Variants in ABLIM2 observed in about 807,000 individuals in gnomAD.
ABLIM2 encodes the protein actin-binding LIM protein 2.
ABLIM2 carries 53 observed loss-of-function variants against 97.7 expected under a neutral mutation model. The ratio of observed to expected loss-of-function variants is 0.54; its 90% CI spans 0.44 to 0.68. The LOEUF (loss-of-function observed/expected upper bound fraction) is 0.68. Among genes scored for constraint, ABLIM2 ranks in the 30% least tolerant of loss-of-function variants. The pLI is 0.00. For missense variants in ABLIM2, 835 were observed against 867.2 expected (o/e 0.96, Z 0.47); for synonymous variants, 361 against 345.8 (o/e 1.04, Z -0.49).
intron 7 of ABLIM2, among the ~76,000 whole-genome samples, chr4:8,055,139 A>G (rs1798262959): frequency 6.6e-6 from 1 of 152,140 alleles, no homozygotes; most frequent in Non-Finnish European, 1.5e-5. Flanking sequence ...CAGAGGTAAT[A>G]AAGTATCAGA....
intron 12 of ABLIM2, among the ~76,000 whole-genome samples, chr4:8,027,179 AT>A (rs1777955440): frequency 2.0e-5 from 3 of 152,048 alleles, no homozygotes; most frequent in African/African-American, 4.8e-5. Flanking sequence ...TGGGGGATGC[AT>A]TTTTCAGTCC....
intron 17 of ABLIM2, among the ~76,000 whole-genome samples, chr4:7,989,761 T>A (rs1267095072): frequency 6.6e-6 from 1 of 152,196 alleles, no homozygotes; most frequent in East Asian, 1.9e-4. Flanking sequence ...TCTCTTCACA[T>A]TTGGCATCAT....
In ABLIM2 at chr4:8,036,256, C is replaced by T. The variant is rs754557404; in HGVS notation, c.940G>A (p.Ala314Thr). ...GGEILDYRDL[A>T]ALPKSKAIYD... The stretch of plus-strand genomic sequence containing the variant: ...ATGGCCTTACTTTTAGGAAGGGCTG[C>T]CAAGTCCCTGTAGTCCAGGATCTCA... The change falls in exon 10 of 21, where the codon GCA becomes ACA. Residue 314 changes from alanine (A) to threonine (T), a missense_variant. Ala to Thr is a moderately conservative substitution (Grantham distance 58). Coordinates refer to ENST00000447017, the MANE Select transcript of ABLIM2 (RefSeq NM_001130083.2). 1.2e-6 allele frequency: 2 copies of T among 1,613,836 alleles called. No individual in the cohort carries two copies. The highest frequency in any genetic ancestry group is 1.7e-4 in the Middle Eastern group (1 of 6,060).
At position 8,113,051 on chromosome 4, in the gene ABLIM2, C is replaced by G. The variant is rs2152807063; in HGVS notation, c.11-6414G>C. Among the ~76,000 whole-genome samples the G allele has an allele frequency of 6.6e-6, 1 of 152,308 alleles. No homozygotes were observed. The highest frequency in any genetic ancestry group is 2.1e-4 in the South Asian group (1 of 4,820). ...TCTTTCTGTCCAGCGAACCAGCTCT[C>G]ACGACCCAGACAGCAGAGTCCTCAT... On this transcript the variant is annotated intron_variant, in intron 1 of 20. Transcript: ENST00000447017. The surrounding 1 kb of genome is among the most constrained non-coding windows in gnomAD (Gnocchi z 4.5).
rs942894235 is a variant in ABLIM2 at position 8,095,747 on chromosome 4, A to G, written c.338+1352T>C. On this transcript the variant is annotated intron_variant, in intron 3 of 20. Transcript: ENST00000447017. This position sits in a 1 kb window ranked among gnomAD's most constrained non-coding sequence, Gnocchi z 4.7. ...GCAGGTTCACTGTAGCCTTCGCTCT[A>G]GGGCTGTTTTGTCTTCTGGATGAGA... Among the ~76,000 whole-genome samples, 17 of 152,042 alleles carry G rather than the reference A, an allele frequency of 1.1e-4. No individual in the cohort carries two copies. The highest frequency in any genetic ancestry group is 3.9e-4 in the Admixed American group (6 of 15,258).
At position 8,067,556 on chromosome 4, in the gene ABLIM2, T is replaced by C. The variant is rs1808766707; in HGVS notation, c.676-6502A>G. On this transcript the variant is annotated intron_variant, in intron 6 of 20. Coordinates refer to ENST00000447017, the MANE Select transcript of ABLIM2 (RefSeq NM_001130083.2). This position sits in a 1 kb window ranked among gnomAD's most constrained non-coding sequence, Gnocchi z 5.4. ...CACAGTTCGGGCCACTCATAAAGTA[T>C]GAGAGTCAACAGCCAAACCCTTACA... 6.6e-6 allele frequency: 1 copy of C among 152,262 alleles called. No individual in the cohort carries two copies. The highest frequency in any genetic ancestry group is 1.5e-5 in the Non-Finnish European group (1 of 68,088). The allele number at this position is 152,262 out of a possible 1,614,324, so 9.4% of individuals were successfully genotyped here. A position where few individuals can be genotyped will look rare whatever the true frequency, so the allele number is the denominator to read the frequency against.
rs1439799167 is a variant in ABLIM2, at chr4:8,032,065, G to C, written c.1048-2289C>G. Among the ~76,000 whole-genome samples, 1 of 152,090 alleles carries C rather than the reference G, an allele frequency of 6.6e-6. No homozygotes were observed. The highest frequency in any genetic ancestry group is 2.4e-5 in the African/African-American group (1 of 41,408). On this transcript the variant is annotated intron_variant, in intron 10 of 20. Transcript: ENST00000447017. The surrounding 1 kb of genome is among the most constrained non-coding windows in gnomAD (Gnocchi z 4.3). ...CAATGGCATCAAGCACAGGGGAAGA[G>C]CTCAGGGCACGGTCACTGCCCAGGC...
chr4:8,131,618 AAGCCTGCATCCCTGAGCACAGC>A, intron 1 of ABLIM2, among the ~76,000 whole-genome samples: 2 of 151,760 alleles, frequency 1.3e-5, no homozygotes, highest in Admixed American at 6.6e-5. Context: ...CTGGGCACAG[AAGCCTGCATCCCTGAGCACAGC>A]AGCCCGCATC....
chr4:8,158,755 G>A lies in ABLIM2; in HGVS notation c.-66C>T. On this transcript the variant is annotated 5_prime_UTR_variant, in exon 1 of 21. Transcript: ENST00000447017. Reference sequence around the variant, plus strand: ...CAGCCAGACCCTCGGGCCCGCAGGTGCCGCGCCCGCGCTATCCTCCGCCCG... The same window carrying A: ...CAGCCAGACCCTCGGGCCCGCAGGTACCGCGCCCGCGCTATCCTCCGCCCG... 2.3e-6 allele frequency: 3 copies of A among 1,315,556 alleles called. No individual in the cohort carries two copies. The highest frequency in any genetic ancestry group is 2.9e-6 in the Non-Finnish European group (3 of 1,033,486). 81.5% of individuals were successfully genotyped at this position (1,315,556 alleles called of 1,614,324 possible). A position where few individuals can be genotyped will look rare whatever the true frequency, so the allele number is the denominator to read the frequency against.
chr4:8,041,545 A>C (rs2151627491), intron 9 of ABLIM2: 1 of 151,734 alleles, frequency 6.6e-6, no homozygotes, highest in Middle Eastern at 3.5e-3. Flanking sequence ...GTCACTGCTC[A>C]CTGCATGCAC....
chr4:7,978,628 C>CA (rs1735556228), intron 20 of ABLIM2, among the ~76,000 whole-genome samples: 2 of 152,114 alleles, frequency 1.3e-5, no homozygotes, highest in South Asian at 4.1e-4. Flanking sequence ...CCAGAGGGGA[C>CA]ACGCCCTTTG....
intron 1 of ABLIM2, among the ~76,000 whole-genome samples, chr4:8,145,456 T>C (rs975096967): frequency 2.0e-5 from 3 of 152,058 alleles, no homozygotes; most frequent in Non-Finnish European, 4.4e-5. Context: ...AGTGCTGGGA[T>C]TACAGGCATG....
rs6841948 is a variant in ABLIM2 at position 7,986,075 on chromosome 4, T to C, written c.1681-1182A>G. 0.27 allele frequency among the ~76,000 whole-genome samples: 40,539 copies of C among 152,072 alleles called. 7,324 individuals carry two copies. The highest frequency in any genetic ancestry group is 0.5 in the African/African-American group (20,564 of 41,458). On this transcript the variant is annotated intron_variant, in intron 17 of 20. Coordinates refer to ENST00000447017, the MANE Select transcript of ABLIM2 (RefSeq NM_001130083.2). This position sits in a 1 kb window ranked among gnomAD's most constrained non-coding sequence, Gnocchi z 4.3. ...TTGAAGAAAATGTCTTATTCACGCT[T>C]CGTTCCCCAGCACCTGGAACGGGGT...
rs180916879 is a variant in ABLIM2 at position 8,121,275 on chromosome 4, G to A, written c.11-14638C>T. Among the ~76,000 whole-genome samples, 1,101 of 152,330 alleles carry A rather than the reference G, an allele frequency of 7.2e-3. 8 individuals carry two copies. The highest frequency in any genetic ancestry group is 0.014 in the Middle Eastern group (4 of 294). On this transcript the variant is annotated intron_variant, in intron 1 of 20. Transcript: ENST00000447017. ...GGGCTTCCTTCCAGGGGCAGAGCTGGGAGAGACGGTACTGGGCAGCCACCC... is the reference window on the plus strand; with the variant it reads ...GGGCTTCCTTCCAGGGGCAGAGCTGAGAGAGACGGTACTGGGCAGCCACCC...
At chr4:8,014,489 T>C (rs919798635) in intron 14 of ABLIM2, among the ~76,000 whole-genome samples, 1 of 152,114 alleles carries the variant, frequency 6.6e-6, no homozygotes, top group Admixed American at 6.5e-5. Flanking sequence ...AGAGAATGTG[T>C]GTGTGTGTGT....
chr4:8,141,250 C>A (rs114118144), intron 1 of ABLIM2, among the ~76,000 whole-genome samples: 3,537 of 152,066 alleles, frequency 0.023, 111 homozygotes, highest in African/African-American at 0.081. Flanking sequence ...AAAGAGATCA[C>A]AAACATCGAA....
chr4:8,065,570 C>G (rs1051649616), intron 6 of ABLIM2, among the ~76,000 whole-genome samples: 1 of 152,108 alleles, frequency 6.6e-6, no homozygotes, highest in Admixed American at 6.5e-5. Context: ...CACAGAATTA[C>G]CAGGAGCCAG....
Position 8,147,435 on chromosome 4 carries a change from T to C in ABLIM2, c.10+11245A>G, listed in dbSNP as rs1451481542. On this transcript the variant is annotated intron_variant, in intron 1 of 20. Transcript: ENST00000447017. The surrounding 1 kb of genome is among the most constrained non-coding windows in gnomAD (Gnocchi z 5.3). ...TCGCTAAAACCTGTGACATATATGG[T>C]TAAAAGGGGAGGGGTCTTTGCAGAT... Among the ~76,000 whole-genome samples the C allele has an allele frequency of 1.3e-5, 2 of 151,830 alleles. No homozygotes were observed. The highest frequency in any genetic ancestry group is 2.9e-5 in the Non-Finnish European group (2 of 67,938).
chr4:8,098,473 AT>A (rs1832811755), intron 2 of ABLIM2, among the ~76,000 whole-genome samples: 1 of 152,146 alleles, frequency 6.6e-6, no homozygotes, highest in African/African-American at 2.4e-5. Flanking sequence ...GACCCTCAAC[AT>A]TTGCCTACAA....
Sources: gnomAD v4.1 joint callset for allele counts (sites outside exome capture counted in the v4.1 genomes callset) on GRCh38, gnomAD v4.1.1 for gene constraint, Gnocchi (gnomAD v3.1) non-coding constraint, MANE v1.5 for transcripts, NCBI Gene and HGNC (gene_info 2026-07-23, HGNC 2026-07-21) for gene names.